The following SPATS2L variants were observed in gnomAD, a reference collection of about 807,000 sequenced individuals.
SPATS2L encodes the protein spermatogenesis associated serine rich 2 like.
A neutral mutation model predicts 59.6 loss-of-function variants in SPATS2L; 30 were observed. The ratio of observed to expected loss-of-function variants is 0.50; its 90% confidence interval spans 0.38 to 0.68. The LOEUF is 0.68. SPATS2L is among the 30% of genes least tolerant of loss of function. The pLI is 0.00. For missense variants in SPATS2L, 615 were observed against 700.0 expected, an observed-to-expected ratio of 0.88 and a Z score of 1.37; for synonymous variants, 252 against 263.5, an observed-to-expected ratio of 0.96 and a Z score of 0.42.
intron 2 of SPATS2L, chr2:200,351,232 T>C (rs946122723): frequency 1.1e-5 from 5 of 471,218 alleles, no homozygotes; most frequent in Non-Finnish European, 1.8e-5. Context: ...GTGCCAAACA[T>C]CTCAGTGTTT....
chr2:200,477,219 G>T (rs1327365250), intron 12 of SPATS2L, among the ~76,000 whole-genome samples: 2 of 152,098 alleles, frequency 1.3e-5, no homozygotes. Flanking sequence ...CCCTTTTTCT[G>T]TGTACAATTT....
At chr2:200,462,766 TA>T (rs2086326757) in intron 9 of SPATS2L, among the ~76,000 whole-genome samples, 1 of 151,762 alleles carries the variant, frequency 6.6e-6, no homozygotes, top group African/African-American at 2.4e-5. Flanking sequence ...AAAATAAAAA[TA>T]AAAAATAAAT....
chr2:200,341,465 A>G (rs535421591), intron 2 of SPATS2L, among the ~76,000 whole-genome samples: 4 of 152,296 alleles, frequency 2.6e-5, no homozygotes, highest in African/African-American at 7.2e-5. Flanking sequence ...GTGCTGAAGC[A>G]TAAGGTTGAA....
intron 8 of SPATS2L, among the ~76,000 whole-genome samples, chr2:200,456,521 G>A (rs1281651717): frequency 2.0e-5 from 3 of 152,148 alleles, no homozygotes; most frequent in East Asian, 1.9e-4. Context: ...TGTTAGACCC[G>A]GGGACAAGTA....
chr2:200,424,599 A>T (rs987382631), intron 6 of SPATS2L, among the ~76,000 whole-genome samples: 1 of 152,210 alleles, frequency 6.6e-6, no homozygotes, highest in Non-Finnish European at 1.5e-5. Flanking sequence ...CTTAGGGTCT[A>T]ATTTTCCCAA....
At chr2:200,308,188 G>A (rs1259815791) in intron 1 of SPATS2L, among the ~76,000 whole-genome samples, 2 of 150,442 alleles carry the variant, frequency 1.3e-5, no homozygotes, top group Non-Finnish European at 2.9e-5. Flanking sequence ...TTAAGCAGAT[G>A]TATGTAATAT....
At chr2:200,464,140 T>G (rs2086427326) in intron 9 of SPATS2L, among the ~76,000 whole-genome samples, 2 of 152,228 alleles carry the variant, frequency 1.3e-5, no homozygotes, top group African/African-American at 4.8e-5. Context: ...AACATACTTA[T>G]TATTCTATTG....
intron 2 of SPATS2L, among the ~76,000 whole-genome samples, chr2:200,359,748 G>A (rs2081035780): frequency 6.6e-6 from 1 of 152,158 alleles, no homozygotes; most frequent in African/African-American, 2.4e-5. Flanking sequence ...CCTCCTTCCA[G>A]TTCATTTCAA....
intron 1 of SPATS2L, among the ~76,000 whole-genome samples, chr2:200,328,260 C>G (rs1041021019): frequency 4.6e-5 from 7 of 152,102 alleles, no homozygotes; most frequent in African/African-American, 1.7e-4. Flanking sequence ...TGAGAATTCA[C>G]CATGCTTATG....
In SPATS2L at chr2:200,350,147, C is replaced by T. The variant is rs576227642; in HGVS notation, c.-23+20667C>T. ...GTTGAGAGGGATGGTTGCGTGGCTACGGTGAGTGAGGTGGGTCTGTTCCCC... is the reference window on the plus strand; with the variant it reads ...GTTGAGAGGGATGGTTGCGTGGCTATGGTGAGTGAGGTGGGTCTGTTCCCC... On this transcript the variant is annotated intron_variant, in intron 2 of 12. Transcript: ENST00000409140. Among the ~76,000 whole-genome samples the T allele has an allele frequency of 1.4e-4, 22 of 152,264 alleles. No homozygotes were observed. In the East Asian group the frequency reaches 3.5e-3, roughly 24 times the overall value.
intron 1 of SPATS2L, among the ~76,000 whole-genome samples, chr2:200,320,481 G>T (rs998776950): frequency 1.3e-5 from 2 of 152,078 alleles, no homozygotes; most frequent in Non-Finnish European, 2.9e-5. Flanking sequence ...AAGAGAATTG[G>T]TGGGGTGACA....
intron 5 of SPATS2L, among the ~76,000 whole-genome samples, chr2:200,417,777 G>GA (rs1452155451): frequency 1.8e-4 from 28 of 152,170 alleles, no homozygotes; most frequent in Non-Finnish European, 5.9e-5. Flanking sequence ...GAATTGAGAA[G>GA]AAAAAACTGT....
chr2:200,389,092 G>T, intron 2 of SPATS2L, 131 bp from the exon 3 acceptor site: 1 of 619,006 alleles, frequency 1.6e-6, no homozygotes, highest in Non-Finnish European at 2.8e-6. Context: ...TAGCTTGAAA[G>T]TATTTTTACA....
In SPATS2L at chr2:200,460,132, A is replaced by G. The variant is rs568043850; in HGVS notation, c.847+305A>G. 6.6e-5 allele frequency among the ~76,000 whole-genome samples: 10 copies of G among 152,340 alleles called. 1 individual carries two copies. In the South Asian group the frequency reaches 1.9e-3, roughly 28 times the overall value. ...TCCAAAGGGATGTTTGTGCACATAA[A>G]GAACTTATAGTTAATTGGATTTAAA... On this transcript the variant is annotated intron_variant, in intron 9 of 12. Transcript: ENST00000409140.
At chr2:200,452,319 T>A (rs972267200) in intron 8 of SPATS2L, among the ~76,000 whole-genome samples, 1 of 152,218 alleles carries the variant, frequency 6.6e-6, no homozygotes, top group Non-Finnish European at 1.5e-5. Flanking sequence ...TGTTGTGGGA[T>A]TTCCATACTA....
intron 1 of SPATS2L, among the ~76,000 whole-genome samples, chr2:200,315,140 C>T (rs767786272): frequency 3.3e-5 from 5 of 152,164 alleles, no homozygotes; most frequent in Non-Finnish European, 7.3e-5. Flanking sequence ...GCCAAGCCCA[C>T]GAGCTTTTTG....
chr2:200,427,380 A>G lies in SPATS2L; in HGVS notation c.445+7884A>G, dbSNP rs930612708. On this transcript the variant is annotated intron_variant, in intron 6 of 12. Coordinates refer to ENST00000409140, the MANE Select transcript of SPATS2L (RefSeq NM_001100423.2). The stretch of plus-strand genomic sequence containing the variant: ...AAATTAAAAACTTTTTTTTAATGCA[A>G]TAAGAATTAAACCTGTTTTGCAGAG... Among the ~76,000 whole-genome samples, 5 of 151,512 alleles carry G rather than the reference A, an allele frequency of 3.3e-5. No homozygotes were observed. In the South Asian group the frequency reaches 8.3e-4, roughly 25 times the overall value.
In SPATS2L at chr2:200,478,131, C is replaced by T; in HGVS notation, c.*100C>T. On this transcript the variant is annotated 3_prime_UTR_variant, in exon 13 of 13. Coordinates refer to ENST00000409140, the MANE Select transcript of SPATS2L (RefSeq NM_001100423.2). ...AGAGTGTCAATCAGAATATACAAAT[C>T]CCGTATGGTTGTGTCATCCTCTCTT... 8.8e-7 allele frequency: 1 copy of T among 1,131,290 alleles called. No homozygotes were observed. Among genetic ancestry groups the T allele is most frequent in the Non-Finnish European group, 1.2e-6 (1 of 819,482 alleles). 70.1% of individuals were successfully genotyped at this position (1,131,290 alleles called of 1,614,324 possible).
At chr2:200,345,507 G>A (rs1403934868) in intron 2 of SPATS2L, among the ~76,000 whole-genome samples, 1 of 152,126 alleles carries the variant, frequency 6.6e-6, no homozygotes, top group Non-Finnish European at 1.5e-5. Context: ...GAGATTATTA[G>A]CTTTCTTCCT....
Sources: gnomAD v4.1 joint callset for allele counts (sites outside exome capture counted in the v4.1 genomes callset) on GRCh38, gnomAD v4.1.1 for gene constraint, MANE v1.5 for transcripts, NCBI Gene and HGNC (gene_info 2026-07-23, HGNC 2026-07-21) for gene names.